Variants in PTPN4 observed in about 807,000 individuals in gnomAD.
The protein encoded by PTPN4 is protein tyrosine phosphatase non-receptor type 4.
A neutral mutation model predicts 135.5 loss-of-function variants in PTPN4; 49 were observed. The observed-to-expected ratio is 0.36, with a 90% CI of 0.29 to 0.46. The LOEUF (loss-of-function observed/expected upper bound fraction) is 0.46, where lower values mean the gene tolerates loss of function less well. PTPN4 is among the 20% of genes least tolerant of loss of function. PTPN4 has a pLI of 1.00. For synonymous variants in PTPN4, 333 were observed against 369.9 expected (o/e 0.90, Z 1.14); for missense variants, 860 against 1,101.0 (o/e 0.78, Z 3.10).
intron 1 of PTPN4, among the ~76,000 whole-genome samples, chr2:119,779,073 G>T (rs563188881): frequency 3.2e-3 from 488 of 152,220 alleles, no homozygotes; most frequent in Middle Eastern, 6.8e-3. Flanking sequence ...CTTCTACAGG[G>T]TATCAGTTTT....
At chr2:119,810,197 G>T (rs1298066217) in intron 2 of PTPN4, among the ~76,000 whole-genome samples, 2 of 152,170 alleles carry the variant, frequency 1.3e-5, no homozygotes, top group Non-Finnish European at 1.5e-5. Flanking sequence ...ATGTTGTTGA[G>T]AAACCAACAG....
intron 1 of PTPN4, among the ~76,000 whole-genome samples, chr2:119,793,135 T>C (rs1691180099): frequency 6.6e-6 from 1 of 152,204 alleles, no homozygotes; most frequent in Non-Finnish European, 1.5e-5. Flanking sequence ...CTGGGGACGC[T>C]GCAGGAGACC....
chr2:119,882,044 T>C, intron 6 of PTPN4, 53 bp from the exon 7 acceptor site: 1 of 1,476,248 alleles, frequency 6.8e-7, no homozygotes, highest in Non-Finnish European at 9.5e-7. Flanking sequence ...TATAGCACTT[T>C]TGAAATTGCT....
At chr2:119,799,685 A>G (rs1691326553) in intron 1 of PTPN4, among the ~76,000 whole-genome samples, 1 of 152,206 alleles carries the variant, frequency 6.6e-6, no homozygotes, top group Non-Finnish European at 1.5e-5. Flanking sequence ...CTGAAAGAAT[A>G]TGGTGGGGTT....
chr2:119,765,782 T>A (rs1690603770), intron 1 of PTPN4, among the ~76,000 whole-genome samples: 1 of 152,194 alleles, frequency 6.6e-6, no homozygotes, highest in Non-Finnish European at 1.5e-5. Context: ...TTGATCTGGG[T>A]AGAGAGAACA....
chr2:119,823,224 T>C (rs894260944), intron 2 of PTPN4, among the ~76,000 whole-genome samples: 1 of 151,972 alleles, frequency 6.6e-6, no homozygotes, highest in Non-Finnish European at 1.5e-5. Flanking sequence ...CTGGATATAC[T>C]TCATCTGTTT....
chr2:119,944,684 G>A (rs1157228333), intron 15 of PTPN4, among the ~76,000 whole-genome samples: 2 of 152,024 alleles, frequency 1.3e-5, no homozygotes, highest in Non-Finnish European at 2.9e-5. Context: ...AATCTCTTAA[G>A]CTATTTAGGC....
At chr2:119,862,775 C>G in intron 3 of PTPN4, 132 bp downstream of exon 3, 1 of 587,018 alleles carries the variant, frequency 1.7e-6, no homozygotes, top group Non-Finnish European at 2.8e-6. Context: ...AGAGGTAATT[C>G]TTTTGCTTTT....
At chr2:119,860,445 C>T (rs748994691) in intron 2 of PTPN4, among the ~76,000 whole-genome samples, 2 of 152,054 alleles carry the variant, frequency 1.3e-5, no homozygotes, top group African/African-American at 4.8e-5. Flanking sequence ...TAAAGGCTCA[C>T]GAATATAGCC....
intron 26 of PTPN4, among the ~76,000 whole-genome samples, chr2:119,969,407 T>C (rs919206741): frequency 5.9e-5 from 9 of 152,340 alleles, no homozygotes; most frequent in Admixed American, 2.6e-4. Context: ...TTCATCTGGA[T>C]AGCTGTTCAC....
intron 3 of PTPN4, among the ~76,000 whole-genome samples, chr2:119,864,673 G>C (rs535582218): frequency 1.3e-5 from 2 of 151,968 alleles, no homozygotes; most frequent in African/African-American, 4.8e-5. Flanking sequence ...TACTACAAGA[G>C]ATAAAAATTC....
At chr2:119,973,652 C>CTTTTTTTTTTT (rs1553481271) in intron 26 of PTPN4, among the ~76,000 whole-genome samples, 6 of 18,060 alleles carry the variant, frequency 3.3e-4, no homozygotes, top group African/African-American at 4.9e-4. Context: ...TCCTTCATTT[C>CTTTTTTTTTTT]TTGTTTTTTT....
intron 3 of PTPN4, 127 bp downstream of exon 3, chr2:119,862,770 T>C: frequency 1.6e-6 from 1 of 616,532 alleles, no homozygotes; most frequent in Non-Finnish European, 2.6e-6. Flanking sequence ...TAAATAGAGG[T>C]AATTCTTTTG....
At chr2:119,963,347 G>A (rs1435531636) in intron 24 of PTPN4, among the ~76,000 whole-genome samples, 1 of 152,176 alleles carries the variant, frequency 6.6e-6, no homozygotes, top group East Asian at 1.9e-4. Flanking sequence ...TGTATGTAGA[G>A]AGCGTCATGC....
At chr2:119,951,503 G>A (rs751199406) in intron 18 of PTPN4, among the ~76,000 whole-genome samples, 5 of 152,218 alleles carry the variant, frequency 3.3e-5, no homozygotes, top group Admixed American at 6.5e-5. Flanking sequence ...GACTTTGGAA[G>A]AACTGATGTG....
At chr2:119,775,849 C>A (rs1277055328) in intron 1 of PTPN4, among the ~76,000 whole-genome samples, 2 of 150,050 alleles carry the variant, frequency 1.3e-5, no homozygotes, top group Non-Finnish European at 3.0e-5. Context: ...ATATATCTAT[C>A]TATATACTTT....
chr2:119,955,185 A>G lies in PTPN4; in HGVS notation c.1842A>G (p.Leu614=). 6.2e-7 allele frequency: 1 copy of G among 1,610,940 alleles called. No homozygotes were observed. The highest frequency in any genetic ancestry group is 1.1e-5 in the South Asian group (1 of 90,152). Residue 614 remains leucine (L), a synonymous_variant, in exon 20 of 27, where the codon CTA becomes CTG. Coordinates refer to ENST00000263708, the MANE Select transcript of PTPN4 (RefSeq NM_002830.4). ...TATATGATGTAGTGGAAGAAAAGCT[A>G]GAAAATGAGCCAGATTTCCAGTATA... ...NAVYDVVEEK[L]ENEPDFQYIP... is the part of the protein sequence containing the mutation.
Position 119,983,837 on chromosome 2 carries a change from A to G in PTPN4, c.*6767A>G, listed in dbSNP as rs1279329720. 6.6e-6 allele frequency: 1 copy of G among 152,158 alleles called. No individual in the cohort carries two copies. The highest frequency in any genetic ancestry group is 1.5e-5 in the Non-Finnish European group (1 of 68,016). 9.4% of individuals were successfully genotyped at this position (152,158 alleles called of 1,614,324 possible). A position where few individuals can be genotyped will look rare whatever the true frequency, so the allele number is the denominator to read the frequency against. The stretch of plus-strand genomic sequence containing the variant: ...TACTGGACTCTGAGTTCTCACAGCT[A>G]GTTTCATCTAAGCTTGGTTTATTAT... On this transcript the variant is annotated 3_prime_UTR_variant, in exon 27 of 27. Transcript: ENST00000263708.
intron 1 of PTPN4, among the ~76,000 whole-genome samples, chr2:119,766,470 GT>G (rs1690629860): frequency 7.2e-6 from 1 of 138,636 alleles, no homozygotes; most frequent in Non-Finnish European, 1.5e-5. Context: ...GTGTGTGTGT[GT>G]GTGTGTGTGT....
Sources: gnomAD v4.1 joint callset for allele counts (sites outside exome capture counted in the v4.1 genomes callset) on GRCh38, gnomAD v4.1.1 for gene constraint, MANE v1.5 for transcripts, NCBI Gene and HGNC (gene_info 2026-07-23, HGNC 2026-07-21) for gene names.